Variants in CNTNAP2 observed in about 807,000 individuals in gnomAD.
CNTNAP2 encodes contactin-associated protein-like 2.
Under a neutral mutation model 155.2 loss-of-function variants are expected in CNTNAP2, and 98 were observed. The ratio of observed to expected loss-of-function variants is 0.63; its 90% CI spans 0.54 to 0.75. The LOEUF (loss-of-function observed/expected upper bound fraction) is 0.75. CNTNAP2 is among the 30% of genes least tolerant of loss of function. CNTNAP2 has a pLI of 0.00. For missense variants in CNTNAP2, 1,727 were observed against 1,688.1 expected (o/e 1.02, Z -0.40); for synonymous variants, 651 against 631.2 (o/e 1.03, Z -0.47).
rs146416937 is a variant in CNTNAP2 at position 147,849,124 on chromosome 7, A to G, written c.2099-54441A>G. 3.3e-3 allele frequency among the ~76,000 whole-genome samples: 506 copies of G among 152,344 alleles called. 8 individuals are homozygous for G. The East Asian group carries it at 0.035, about 10-fold the overall frequency. On this transcript the variant is annotated intron_variant, in intron 13 of 23. Transcript: ENST00000361727. ...TTCTACTGGAAAAATGGCATAAAAC[A>G]GCAACATTCTGTTGCCATTTTATAA...
chr7:148,172,751 T>C (rs780841476), intron 18 of CNTNAP2, among the ~76,000 whole-genome samples: 78 of 152,148 alleles, frequency 5.1e-4, no homozygotes, highest in Non-Finnish European at 8.1e-4. Flanking sequence ...GGCAGTCTCA[T>C]TACATCTTAA....
In CNTNAP2 at chr7:147,546,241, C is replaced by CT; in HGVS notation, c.1778-15896dup. 3.9e-5 allele frequency among the ~76,000 whole-genome samples: 6 copies of CT among 152,166 alleles called. 1 individual carries two copies. The highest frequency in any genetic ancestry group is 3.9e-4 in the Admixed American group (6 of 15,270). On this transcript the variant is annotated intron_variant, in intron 11 of 23. Transcript: ENST00000361727. Reference sequence around the variant, plus strand: ...AGGAGGTATGATTCATTAAAGAACACTACTGTAAAATTCTGTCAATGTGTG... The same window carrying CT: ...AGGAGGTATGATTCATTAAAGAACACTTACTGTAAAATTCTGTCAATGTGTG...
chr7:147,718,950 C>T lies in CNTNAP2; in HGVS notation c.2098+79644C>T, dbSNP rs559734257. Among the ~76,000 whole-genome samples the T allele has an allele frequency of 2.8e-4, 43 of 152,056 alleles. No individual in the cohort carries two copies. The South Asian group carries it at 8.9e-3, about 32-fold the overall frequency. ...ACATAAACACTTTTTAATAACTGTCCTTTAAGGATTTTCAAAGAAAAAACA... is the reference window on the plus strand; with the variant it reads ...ACATAAACACTTTTTAATAACTGTCTTTTAAGGATTTTCAAAGAAAAAACA... On this transcript the variant is annotated intron_variant, in intron 13 of 23. Transcript: ENST00000361727.
intron 2 of CNTNAP2, among the ~76,000 whole-genome samples, chr7:146,818,583 A>C (rs545538284): frequency 4.6e-5 from 7 of 152,238 alleles, no homozygotes; most frequent in African/African-American, 1.4e-4. Context: ...TCAGAACTCA[A>C]ACTGATTTCT....
At chr7:147,945,615 T>A (rs567852545) in intron 14 of CNTNAP2, among the ~76,000 whole-genome samples, 1 of 152,044 alleles carries the variant, frequency 6.6e-6, no homozygotes, top group African/African-American at 2.4e-5. Context: ...TGTAACCCTG[T>A]CATCATGCCT....
rs546609575 is a variant in CNTNAP2 at position 146,434,942 on chromosome 7, A to C, written c.97+317969A>C. On this transcript the variant is annotated intron_variant, in intron 1 of 23. Coordinates refer to ENST00000361727, the MANE Select transcript of CNTNAP2 (RefSeq NM_014141.6). ...AGGGCTTTGTGATACACAAATCAAA[A>C]GTGTGCAATTCACAGAAACTTCAAT... Among the ~76,000 whole-genome samples the C allele has an allele frequency of 2.6e-5, 4 of 152,312 alleles. No individual in the cohort carries two copies. In the South Asian group the frequency reaches 6.2e-4, roughly 24 times the overall value.
intron 18 of CNTNAP2, among the ~76,000 whole-genome samples, chr7:148,183,096 G>A (rs1235532644): frequency 1.3e-5 from 2 of 152,256 alleles, no homozygotes; most frequent in Non-Finnish European, 2.9e-5. Context: ...AGAGCCTGCT[G>A]TGGGGGAAGC....
At chr7:147,671,630 TA>T (rs1423662949) in intron 13 of CNTNAP2, 1 of 152,232 alleles carries the variant, frequency 6.6e-6, no homozygotes, top group African/African-American at 2.4e-5. Context: ...ATGGAACAGC[TA>T]ATAGCACATA....
chr7:147,406,084 A>G (rs752480829), intron 10 of CNTNAP2, among the ~76,000 whole-genome samples: 4 of 152,170 alleles, frequency 2.6e-5, no homozygotes, highest in Non-Finnish European at 4.4e-5. Flanking sequence ...ATTAAACCCA[A>G]CATATTGAAG....
At chr7:147,219,083 A>C (rs958267080) in intron 8 of CNTNAP2, among the ~76,000 whole-genome samples, 1 of 152,158 alleles carries the variant, frequency 6.6e-6, no homozygotes, top group African/African-American at 2.4e-5. Context: ...GCATTATCCA[A>C]TGGCAGAAAG....
At chr7:148,210,834 A>G (rs1368396897) in intron 18 of CNTNAP2, among the ~76,000 whole-genome samples, 1 of 152,272 alleles carries the variant, frequency 6.6e-6, no homozygotes, top group Non-Finnish European at 1.5e-5. Flanking sequence ...AAAACATCAA[A>G]CAAACAGAAT....
chr7:147,610,286 A>G (rs1801157101), intron 12 of CNTNAP2, among the ~76,000 whole-genome samples: 1 of 135,976 alleles, frequency 7.4e-6, no homozygotes, highest in African/African-American at 2.6e-5. Flanking sequence ...AGGGTGTTGT[A>G]GTTTTCAAGT....
chr7:146,519,781 T>G (rs1797591588), intron 1 of CNTNAP2, among the ~76,000 whole-genome samples: 1 of 151,898 alleles, frequency 6.6e-6, no homozygotes, highest in Admixed American at 6.6e-5. Context: ...AAGCTGGCTT[T>G]TGAATAGTGC....
chr7:147,561,354 G>A (rs1800061263), intron 11 of CNTNAP2, among the ~76,000 whole-genome samples: 1 of 152,152 alleles, frequency 6.6e-6, no homozygotes, highest in Non-Finnish European at 1.5e-5. Context: ...GGGCAGAGCT[G>A]TTTAAAAGAA....
chr7:146,573,956 A>G (rs559351909), intron 1 of CNTNAP2, among the ~76,000 whole-genome samples: 5 of 152,322 alleles, frequency 3.3e-5, no homozygotes, highest in African/African-American at 1.2e-4. Flanking sequence ...TTTCAATAAC[A>G]TTAGATGTTA....
chr7:148,229,841 T>C (rs866155713), intron 20 of CNTNAP2, 62 bp downstream of exon 20: 4 of 1,599,872 alleles, frequency 2.5e-6, no homozygotes, highest in South Asian at 1.1e-5. Context: ...GTCCCTATAA[T>C]GCTTGGCCAT....
intron 21 of CNTNAP2, among the ~76,000 whole-genome samples, chr7:148,284,205 T>C (rs1797040151): frequency 6.6e-6 from 1 of 152,090 alleles, no homozygotes; most frequent in South Asian, 2.1e-4. Context: ...TCATCTTGAA[T>C]TGTAGCTCCC....
intron 8 of CNTNAP2, among the ~76,000 whole-genome samples, chr7:147,154,427 A>G (rs920414612): frequency 6.6e-6 from 1 of 152,214 alleles, no homozygotes; most frequent in Non-Finnish European, 1.5e-5. Context: ...TTCTGAATTG[A>G]GTACTGTTTA....
intron 3 of CNTNAP2, among the ~76,000 whole-genome samples, chr7:146,907,796 A>C (rs1347479181): frequency 6.6e-6 from 1 of 151,884 alleles, no homozygotes; most frequent in Non-Finnish European, 1.5e-5. Context: ...ATTCACACAT[A>C]ACAATATTAA....
Sources: allele counts gnomAD v4.1 joint callset (sites outside exome capture counted in the v4.1 genomes callset), GRCh38; gene constraint gnomAD v4.1.1; transcripts MANE v1.5; gene names NCBI Gene and HGNC (gene_info 2026-07-23, HGNC 2026-07-21).